ARHGAP6: variants seen among roughly 807,000 people sequenced by gnomAD.
ARHGAP6 encodes Rho GTPase activating protein 6.
In ARHGAP6, 16 loss-of-function variants were observed where a neutral mutation model predicts 55.7. The ratio of observed to expected loss-of-function variants is 0.29; its 90% CI spans 0.19 to 0.44. ARHGAP6 has a LOEUF of 0.44. ARHGAP6 is among the 20% of genes least tolerant of loss of function. The pLI is 1.00. For synonymous variants in ARHGAP6, 382 were observed against 360.9 expected, an observed-to-expected ratio of 1.06 and a Z score of -0.66; for missense variants, 698 against 808.9, an observed-to-expected ratio of 0.86 and a Z score of 1.66.
chrX:11,392,449 A>G (rs1264802665), intron 1 of ARHGAP6, among the ~76,000 whole-genome samples: 1 of 111,731 alleles, frequency 9.0e-6, no homozygotes, highest in African/African-American at 3.3e-5. Context: ...ACCCACAACC[A>G]TTCCCATGCC....
intron 1 of ARHGAP6, among the ~76,000 whole-genome samples, chrX:11,453,552 A>T (rs1340474660): frequency 9.1e-6 from 1 of 109,713 alleles, no homozygotes; most frequent in African/African-American, 3.3e-5. Flanking sequence ...ATTTCTGGGT[A>T]TTAAATATTT....
intron 2 of ARHGAP6, among the ~76,000 whole-genome samples, chrX:11,250,703 G>C (rs778674734): frequency 5.4e-5 from 6 of 111,410 alleles, no homozygotes; most frequent in African/African-American, 9.8e-5. Flanking sequence ...TTACAGCTGG[G>C]AGAATTTCTG....
intron 1 of ARHGAP6, among the ~76,000 whole-genome samples, chrX:11,612,566 G>A (rs746335968): frequency 8.9e-6 from 1 of 112,110 alleles, no homozygotes; most frequent in Non-Finnish European, 1.9e-5. Flanking sequence ...GAAGACAGTT[G>A]TCCATCTGTG....
intron 1 of ARHGAP6, among the ~76,000 whole-genome samples, chrX:11,620,293 T>G (rs772628419): frequency 8.9e-6 from 1 of 112,539 alleles, no homozygotes; most frequent in East Asian, 2.8e-4. Context: ...AAACTTTTTT[T>G]GAAAAACTTC....
intron 1 of ARHGAP6, among the ~76,000 whole-genome samples, chrX:11,517,407 G>A (rs778037507): frequency 4.5e-5 from 5 of 111,374 alleles, no homozygotes; most frequent in African/African-American, 1.6e-4. Flanking sequence ...GAGGGTAGGT[G>A]AGGAATCAGA....
chrX:11,361,345 C>T (rs1383044255), intron 1 of ARHGAP6, among the ~76,000 whole-genome samples: 84 of 110,015 alleles, frequency 7.6e-4, no homozygotes, highest in African/African-American at 2.4e-3. Flanking sequence ...TCAGAAATAA[C>T]GCCGCATATC....
At chrX:11,285,448 TA>T (rs2047910401) in intron 1 of ARHGAP6, among the ~76,000 whole-genome samples, 1 of 111,738 alleles carries the variant, frequency 8.9e-6, no homozygotes, top group African/African-American at 3.3e-5. Context: ...CCATGATAAA[TA>T]AAAAGGAAAT....
chrX:11,520,102 A>G (rs73497014), intron 1 of ARHGAP6, among the ~76,000 whole-genome samples: 7,691 of 79,063 alleles, frequency 0.097, 667 homozygotes, highest in African/African-American at 0.23. Context: ...ACAAAGGGCC[A>G]ATGTTCTTTA....
chrX:11,178,405 A>G (rs192760255), intron 7 of ARHGAP6, among the ~76,000 whole-genome samples, 157 bp from the exon 8 acceptor site: 4 of 111,119 alleles, frequency 3.6e-5, no homozygotes, highest in Admixed American at 1.9e-4. Flanking sequence ...GCAATTTACC[A>G]GCAAGATTCT....
At position 11,582,471 on chromosome X, in the gene ARHGAP6, G is replaced by A. The variant is rs1241711669; in HGVS notation, c.588+81770C>T. Among the ~76,000 whole-genome samples, 8 of 112,024 alleles carry A rather than the reference G, an allele frequency of 7.1e-5. No homozygotes were observed. In the East Asian group the frequency reaches 2.2e-3, roughly 31 times the overall value. ...AATTTTTCAAAATGTAAAATATTGTGAGAAAAACAGCCAGCCCTTTTTTAT... is the reference window on the plus strand; with the variant it reads ...AATTTTTCAAAATGTAAAATATTGTAAGAAAAACAGCCAGCCCTTTTTTAT... On this transcript the variant is annotated intron_variant, in intron 1 of 12. Transcript: ENST00000337414.
intron 2 of ARHGAP6, among the ~76,000 whole-genome samples, chrX:11,247,461 C>T (rs758196457): frequency 1.8e-5 from 2 of 112,324 alleles, no homozygotes; most frequent in South Asian, 7.5e-4. Context: ...TTCATTTTAC[C>T]TTAGATCAGG....
At chrX:11,221,325 C>A in intron 2 of ARHGAP6, 1 of 134,745 alleles carries the variant, frequency 7.4e-6, no homozygotes, top group Non-Finnish European at 1.7e-5. Flanking sequence ...TATAAATTTC[C>A]CTGATGTAAC....
chrX:11,157,117 G>C (rs1384944448), intron 9 of ARHGAP6, among the ~76,000 whole-genome samples: 8 of 111,920 alleles, frequency 7.1e-5, no homozygotes, highest in African/African-American at 2.6e-4. Context: ...TTGAATCTTA[G>C]CCACGCCAGT....
intron 1 of ARHGAP6, among the ~76,000 whole-genome samples, chrX:11,295,433 T>C (rs2048068164): frequency 9.0e-6 from 1 of 111,298 alleles, no homozygotes; most frequent in East Asian, 2.8e-4. Flanking sequence ...CTACACCCAA[T>C]ACATAGTGAT....
intron 6 of ARHGAP6, among the ~76,000 whole-genome samples, chrX:11,181,237 T>G (rs1229905294): frequency 2.7e-5 from 3 of 111,928 alleles, no homozygotes; most frequent in Non-Finnish European, 5.6e-5. Flanking sequence ...GCCTTTTTTG[T>G]CTTGACAAAA....
intron 1 of ARHGAP6, among the ~76,000 whole-genome samples, chrX:11,570,007 C>G (rs57956171): frequency 1.8e-5 from 2 of 111,843 alleles, no homozygotes; most frequent in South Asian, 3.7e-4. Flanking sequence ...ACAGCAATCT[C>G]AAGTCTGGAG....
chrX:11,295,554 C>T (rs1001358097), intron 1 of ARHGAP6, among the ~76,000 whole-genome samples: 3 of 111,651 alleles, frequency 2.7e-5, no homozygotes, highest in Middle Eastern at 4.6e-3. Context: ...CAGGCTGCAT[C>T]TGCTTTTTGG....
intron 1 of ARHGAP6, among the ~76,000 whole-genome samples, chrX:11,525,651 T>G (rs2050981965): frequency 8.9e-6 from 1 of 111,885 alleles, no homozygotes; most frequent in African/African-American, 3.3e-5. Context: ...TCCAATAAAT[T>G]AATCTAATTT....
intron 1 of ARHGAP6, among the ~76,000 whole-genome samples, chrX:11,494,355 A>G (rs764843714): frequency 8.9e-6 from 1 of 112,624 alleles, no homozygotes; most frequent in Non-Finnish European, 1.9e-5. Context: ...GTTGGTAAAC[A>G]TGCCTGGACA....
Sources: gnomAD v4.1 joint callset for allele counts (sites outside exome capture counted in the v4.1 genomes callset) on GRCh38, gnomAD v4.1.1 for gene constraint, MANE v1.5 for transcripts, NCBI Gene and HGNC (gene_info 2026-07-23, HGNC 2026-07-21) for gene names.